Variants in TCF4 observed in about 807,000 individuals in gnomAD.
TCF4 encodes the protein transcription factor 4.
In TCF4, 3 loss-of-function variants were observed where a neutral mutation model predicts 82.1. The observed-to-expected ratio is 0.04, with a 90% CI of 0.02 to 0.09. TCF4 has a LOEUF of 0.09. TCF4 is among the 10% of genes least tolerant of loss of function. The probability of loss-of-function intolerance (pLI) is 1.00; values close to 1 mark genes in which losing one functional copy is unlikely to be tolerated. For synonymous variants in TCF4, 276 were observed against 309.6 expected (o/e 0.89, Z 1.14); for missense variants, 518 against 852.7 (o/e 0.61, Z 4.89).
chr18:55,332,685 G>A (rs2077818567), intron 8 of TCF4, among the ~76,000 whole-genome samples: 1 of 152,180 alleles, frequency 6.6e-6, no homozygotes. Flanking sequence ...TCCAGGAGGC[G>A]TGGCACTTAG....
chr18:55,322,708 C>T (rs573932182), intron 8 of TCF4, among the ~76,000 whole-genome samples: 2 of 152,362 alleles, frequency 1.3e-5, no homozygotes, highest in South Asian at 2.1e-4. Flanking sequence ...TGGCGCTGGG[C>T]GCCCCAAGGG....
At chr18:55,585,470 G>T in intron 2 of TCF4, 118 bp from the exon 3 acceptor site, 1 of 942,928 alleles carries the variant, frequency 1.1e-6, no homozygotes, top group Non-Finnish European at 1.7e-6. Context: ...GGTTTATTTA[G>T]TAAAATACAT....
chr18:55,610,857 T>C (rs1280802833), intron 2 of TCF4, among the ~76,000 whole-genome samples: 1 of 152,178 alleles, frequency 6.6e-6, no homozygotes, highest in African/African-American at 2.4e-5. Flanking sequence ...TTGATGAAAA[T>C]GGAACACTAC....
At chr18:55,586,226 A>AGCAGCAGCAGCAGCAGCAGCAGCC in intron 2 of TCF4, 1 of 1,029,760 alleles carries the variant, frequency 9.7e-7, no homozygotes, top group Non-Finnish European at 1.4e-6. Context: ...CAGCAGCAGC[A>AGCAGCAGCAGCAGCAGCAGCAGCC]GCATGAAAGA....
chr18:55,569,972 A>G (rs745527685), intron 3 of TCF4, among the ~76,000 whole-genome samples: 118 of 152,310 alleles, frequency 7.7e-4, no homozygotes, highest in Admixed American at 2.0e-3. Flanking sequence ...ATGGGACACG[A>G]AAAGTGGGGA....
intron 5 of TCF4, among the ~76,000 whole-genome samples, chr18:55,414,596 A>G (rs1326701738): frequency 6.6e-6 from 1 of 152,116 alleles, no homozygotes; most frequent in Non-Finnish European, 1.5e-5. Flanking sequence ...TGTCAACAAA[A>G]ATTGTTGCTA....
At chr18:55,434,777 T>TGTGTGTGTGTGTGTGA (rs2095292445) in intron 5 of TCF4, among the ~76,000 whole-genome samples, 1 of 150,954 alleles carries the variant, frequency 6.6e-6, no homozygotes, top group Admixed American at 6.6e-5. Flanking sequence ...TGTGTGTGTG[T>TGTGTGTGTGTGTGTGA]GTGTGTGTGT....
At chr18:55,365,215 A>G (rs1220150593) in intron 6 of TCF4, among the ~76,000 whole-genome samples, 24 of 133,008 alleles carry the variant, frequency 1.8e-4, no homozygotes, top group African/African-American at 6.9e-4. Flanking sequence ...GTGTGTATAT[A>G]TATGTGTGTG....
chr18:55,618,787 A>G (rs572986941), intron 2 of TCF4, among the ~76,000 whole-genome samples: 114 of 148,780 alleles, frequency 7.7e-4, no homozygotes, highest in African/African-American at 2.6e-3. Context: ...GAGTCTTGCC[A>G]TGTTGCCCAA....
chr18:55,404,132 C>A, intron 5 of TCF4: 2 of 683,698 alleles, frequency 2.9e-6, no homozygotes, highest in Non-Finnish European at 3.8e-6. Flanking sequence ...CAGATTCCAC[C>A]AATAGACCCA....
chr18:55,575,799 T>C (rs910681929), intron 3 of TCF4, among the ~76,000 whole-genome samples: 2 of 152,206 alleles, frequency 1.3e-5, no homozygotes, highest in African/African-American at 4.8e-5. Flanking sequence ...CTATTTGTGA[T>C]GTACTTCTGG....
upstream of TCF4, chr18:55,588,323 G>C (rs537246823): frequency 2.4e-5 from 35 of 1,473,984 alleles, no homozygotes; most frequent in East Asian, 5.0e-5. Flanking sequence ...AGAAATGGGT[G>C]GGGGGGCTCC....
chr18:55,463,729 C>T (rs2924326), intron 4 of TCF4, among the ~76,000 whole-genome samples: 148,080 of 152,262 alleles, frequency 0.97, 72,174 homozygotes, highest in Middle Eastern at 1. Flanking sequence ...CTACAACAAA[C>T]AGCATTATGT....
intron 3 of TCF4, among the ~76,000 whole-genome samples, chr18:55,571,364 A>C (rs2097464896): frequency 6.6e-6 from 1 of 152,250 alleles, no homozygotes; most frequent in Non-Finnish European, 1.5e-5. Flanking sequence ...GTTTAGGGAT[A>C]CATATGCCAG....
At chr18:55,376,817 A>C (rs2090868241) in intron 6 of TCF4, among the ~76,000 whole-genome samples, 1 of 152,216 alleles carries the variant, frequency 6.6e-6, no homozygotes, top group African/African-American at 2.4e-5. Context: ...CCTGAAGCAC[A>C]GCATATAGTT....
chr18:55,319,462 C>T (rs1359374618), intron 8 of TCF4, among the ~76,000 whole-genome samples: 1 of 152,130 alleles, frequency 6.6e-6, no homozygotes, highest in Non-Finnish European at 1.5e-5. Flanking sequence ...CTAAGATGGA[C>T]AACTGGTAGC....
chr18:55,365,378 A>G (rs1212320647), intron 6 of TCF4, among the ~76,000 whole-genome samples: 1 of 150,858 alleles, frequency 6.6e-6, no homozygotes, highest in East Asian at 2.0e-4. Context: ...CTTTTGCCCA[A>G]ATTATTTCTT....
At chr18:55,627,015 T>G (rs1410447049) in intron 2 of TCF4, among the ~76,000 whole-genome samples, 1 of 152,222 alleles carries the variant, frequency 6.6e-6, no homozygotes, top group African/African-American at 2.4e-5. Flanking sequence ...GGTGCCAATG[T>G]TCAGCTAATC....
intron 2 of TCF4, among the ~76,000 whole-genome samples, chr18:55,626,206 A>G (rs575354630): frequency 3.9e-5 from 6 of 152,332 alleles, no homozygotes; most frequent in African/African-American, 1.2e-4. Context: ...AGAAATAGAA[A>G]TCAAAATGTA....
Sources: allele counts gnomAD v4.1 joint callset (sites outside exome capture counted in the v4.1 genomes callset), GRCh38; gene constraint gnomAD v4.1.1; transcripts MANE v1.5; gene names NCBI Gene and HGNC (gene_info 2026-07-23, HGNC 2026-07-21).